Variants in PIEZO1 observed in about 807,000 individuals in gnomAD.
PIEZO1 encodes the protein piezo-type mechanosensitive ion channel component 1.
PIEZO1 carries 296 observed loss-of-function variants against 297.2 expected under a neutral mutation model. That is an observed-to-expected ratio of 1.00 (90% CI 0.91 to 1.10). The LOEUF (loss-of-function observed/expected upper bound fraction) is 1.10. Among genes scored for constraint, PIEZO1 ranks in the 50% least tolerant of loss-of-function variants. The pLI, the probability that PIEZO1 is intolerant of heterozygous loss-of-function variation, is 0.00. For missense variants in PIEZO1, 5,018 were observed against 3,455.5 expected (o/e 1.45, Z -11.34); for synonymous variants, 2,427 against 1,507.5 (o/e 1.61, Z -14.13).
At chr16:88,757,430 G>A (rs1182766051) in intron 1 of PIEZO1, among the ~76,000 whole-genome samples, 3 of 151,932 alleles carry the variant, frequency 2.0e-5, no homozygotes, top group African/African-American at 4.8e-5. Flanking sequence ...GAGCAGGGGC[G>A]GGTGGGAACA....
At chr16:88,761,692 C>T (rs1346257502) in intron 1 of PIEZO1, among the ~76,000 whole-genome samples, 1 of 152,096 alleles carries the variant, frequency 6.6e-6, no homozygotes, top group Non-Finnish European at 1.5e-5. Flanking sequence ...GTGAGACATC[C>T]CCCACATCGG....
intron 1 of PIEZO1, among the ~76,000 whole-genome samples, chr16:88,750,627 G>T (rs532039565): frequency 1.3e-5 from 2 of 152,342 alleles, no homozygotes; most frequent in South Asian, 4.1e-4. Context: ...GATCTGATAA[G>T]GTCTGGAGTC....
At chr16:88,779,766 A>G (rs1331587047) in intron 1 of PIEZO1, among the ~76,000 whole-genome samples, 4 of 152,248 alleles carry the variant, frequency 2.6e-5, no homozygotes, top group Non-Finnish European at 5.9e-5. Flanking sequence ...CTCCGGGACC[A>G]GGCGGTGAGT....
intron 39 of PIEZO1, 31 bp from the exon 40 acceptor site, chr16:88,720,779 C>G (rs531496797): frequency 1.4e-6 from 2 of 1,455,504 alleles, no homozygotes; most frequent in South Asian, 1.5e-5. Context: ...CTGCCTGGGC[C>G]CCCTGGGGAC....
chr16:88,734,710 G>T lies in PIEZO1; in HGVS notation c.1937C>A (p.Thr646Asn), dbSNP rs766228173. 6.5e-6 allele frequency: 10 copies of T among 1,550,378 alleles called. No homozygotes were observed. In the South Asian group the frequency reaches 1.2e-4, roughly 18 times the overall value. Reference protein sequence around the residue: ...YTMLVLIAVYTFQFQDFPAYW... With the variant: ...YTMLVLIAVYNFQFQDFPAYW... ...GGCAGGGAAGTCCTGGAACTGGAAG[G>T]TGTAGACGGCGATGAGGACCAGCAT... The change falls in exon 15 of 51, where the codon ACC becomes AAC. Residue 646 changes from threonine (T) to asparagine (N), a missense_variant. Physicochemically the swap from Thr to Asn is moderately conservative, Grantham distance 65 (BLOSUM62 0). Transcript: ENST00000301015.
chr16:88,737,978 T>C lies in PIEZO1; in HGVS notation c.976A>G (p.Thr326Ala). The C allele has an allele frequency of 1.3e-6, 2 of 1,534,422 alleles. No individual in the cohort carries two copies. The highest frequency in any genetic ancestry group is 1.7e-6 in the Non-Finnish European group (2 of 1,146,078). Reference sequence around the variant, plus strand: ...GCGCGGAGCTTGCGCAGAGAGGCCGTGGCGTAGCACAGCAGCAGGAGGACG... The same window carrying C: ...GCGCGGAGCTTGCGCAGAGAGGCCGCGGCGTAGCACAGCAGCAGGAGGACG... ...PGVLLLLCYA[T>A]ASLRKLRAYR... The change falls in exon 8 of 51, where the codon ACG (threonine) becomes GCG (alanine). Residue 326 changes from threonine (T) to alanine (A), a missense_variant. By Grantham distance (58) the Thr-to-Ala change is moderately conservative. Transcript: ENST00000301015.
intron 30 of PIEZO1, 29 bp from the exon 31 acceptor site, chr16:88,724,000 C>T: frequency 7.3e-7 from 1 of 1,368,106 alleles, no homozygotes; most frequent in Non-Finnish European, 1.0e-6. Flanking sequence ...GAGAGCCAGC[C>T]TTCCATGCAG....
In PIEZO1 at chr16:88,719,874, C is replaced by G; in HGVS notation, c.6251G>C (p.Gly2084Ala). 6.4e-7 allele frequency: 1 copy of G among 1,550,608 alleles called. No individual in the cohort carries two copies. The change falls in exon 43 of 51, where the codon GGC becomes GCC. Residue 2084 changes from glycine to alanine, a missense_variant. Coordinates refer to ENST00000301015, the MANE Select transcript of PIEZO1 (RefSeq NM_001142864.4). ...FALSAYQIRC[G>A]YPTRILGNFL... ...GTTGCCGAGGATGCGGGTGGGGTAG[C>G]CGCAGCGGATCTGGTAGGCGGACAG...
rs1463537207 is a variant in PIEZO1, at chr16:88,715,868, T to C, written c.7317-14A>G. On this transcript the variant is annotated splice_polypyrimidine_tract_variant and intron_variant, in intron 50 of 50. Transcript: ENST00000301015. ...AGCCCCATGATGCTGCGGGGGAAGC[T>C]GGTGAGTCCTGGGGCCGCCCGGAGC... The C allele has an allele frequency of 1.3e-6, 2 of 1,548,670 alleles. No homozygotes were observed. Among genetic ancestry groups the C allele is most frequent in the Non-Finnish European group, 1.7e-6 (2 of 1,145,900 alleles).
chr16:88,745,075 C>A (rs1905959570), intron 2 of PIEZO1: 1 of 149,922 alleles, frequency 6.7e-6, no homozygotes, highest in Non-Finnish European at 1.5e-5. Context: ...CACCCCGTCA[C>A]TCTCCCCCTG....
At chr16:88,781,184 T>C (rs1907918296) in intron 1 of PIEZO1, among the ~76,000 whole-genome samples, 1 of 152,142 alleles carries the variant, frequency 6.6e-6, no homozygotes, top group African/African-American at 2.4e-5. Context: ...CCCTTCATCT[T>C]TGAGCACCGA....
At chr16:88,720,911 T>G (rs1487722655) in intron 39 of PIEZO1, among the ~76,000 whole-genome samples, 163 bp from the exon 40 acceptor site, 1 of 152,160 alleles carries the variant, frequency 6.6e-6, no homozygotes, top group African/African-American at 2.4e-5. Flanking sequence ...TGGGGCTGTG[T>G]CCTCTGTCTG....
At chr16:88,726,192 A>G in intron 27 of PIEZO1, 92 bp downstream of exon 27, 1 of 1,125,102 alleles carries the variant, frequency 8.9e-7, no homozygotes, top group South Asian at 1.6e-5. Context: ...CCTGCCCTCC[A>G]CGGGCCGGGG....
chr16:88,717,815 A>C, intron 44 of PIEZO1: 1 of 445,664 alleles, frequency 2.2e-6, no homozygotes, highest in Non-Finnish European at 4.5e-6. Context: ...GTATCTGCAG[A>C]AAAACAGAAA....
Position 88,716,080 on chromosome 16 carries a change from C to T in PIEZO1, c.7169G>A (p.Arg2390Gln), listed in dbSNP as rs377011269. 4.9e-5 allele frequency: 76 copies of T among 1,549,560 alleles called. No homozygotes were observed. The highest frequency in any genetic ancestry group is 5.7e-5 in the Non-Finnish European group (65 of 1,146,580). Residue 2390 changes from arginine to glutamine, a missense_variant, in exon 50 of 51, where the codon CGG becomes CAG. Transcript: ENST00000301015. ...GGTGGCCCCCGCACCCTGCTCCCTCCGCAGCTGGATACGCACGCCGAGGTA... is the reference window on the plus strand; with the variant it reads ...GGTGGCCCCCGCACCCTGCTCCCTCTGCAGCTGGATACGCACGCCGAGGTA... Reference protein sequence around the residue: ...ADYLGVRIQLRREQGAGATGF... With the variant: ...ADYLGVRIQLQREQGAGATGF...
chr16:88,726,286 G>A lies in PIEZO1; in HGVS notation c.3966C>T (p.Ser1322=). Residue 1322 remains serine, a splice_region_variant and synonymous_variant, in exon 27 of 51, where the codon TCC becomes TCT. Coordinates refer to ENST00000301015, the MANE Select transcript of PIEZO1 (RefSeq NM_001142864.4). The part of the protein sequence containing the change: ...ADLQATALLA[S]RGFALYNAAN... Reference sequence around the variant, plus strand: ...GCTGTGTCTGGGCCCAAGCTTGCCTGGAGGCTAGCAGGGCGGTGGCCTGGA... The same window carrying A: ...GCTGTGTCTGGGCCCAAGCTTGCCTAGAGGCTAGCAGGGCGGTGGCCTGGA... 3.2e-6 allele frequency: 5 copies of A among 1,547,106 alleles called. No homozygotes were observed. Among genetic ancestry groups the A allele is most frequent in the Non-Finnish European group, 4.4e-6 (5 of 1,145,298 alleles).
intron 1 of PIEZO1, among the ~76,000 whole-genome samples, chr16:88,771,258 C>T (rs1880690951): frequency 6.6e-6 from 1 of 152,248 alleles, no homozygotes; most frequent in Admixed American, 6.5e-5. Context: ...ACCAGTTCCA[C>T]TCTTAAGGAC....
At position 88,720,719 on chromosome 16, in the gene PIEZO1, C is replaced by G. The variant is rs529376035; in HGVS notation, c.5698G>C (p.Glu1900Gln). The G allele has an allele frequency of 2.4e-5, 37 of 1,527,172 alleles. No individual in the cohort carries two copies. In the South Asian group the frequency reaches 4.1e-4, roughly 17 times the overall value. 94.6% of individuals were successfully genotyped at this position (1,527,172 alleles called of 1,614,324 possible). ...EAEDREEEEG[E>Q]EEKEAPTGRE... Reference sequence around the variant, plus strand: ...CCCGTGGGGGCCTCTTTCTCTTCCTCCCCCTCTTCTTCCTCCCTGTCCTCA... The same window carrying G: ...CCCGTGGGGGCCTCTTTCTCTTCCTGCCCCTCTTCTTCCTCCCTGTCCTCA... Residue 1900 changes from glutamate to glutamine, a missense_variant, in exon 40 of 51, where the codon GAG (glutamate) becomes CAG (glutamine). Coordinates refer to ENST00000301015, the MANE Select transcript of PIEZO1 (RefSeq NM_001142864.4).
intron 1 of PIEZO1, among the ~76,000 whole-genome samples, chr16:88,772,770 T>A (rs2911461): frequency 0.016 from 1,795 of 115,608 alleles, 23 homozygotes; most frequent in Non-Finnish European, 0.024. Context: ...AGAGTGAGAC[T>A]CTGTCAAAAA....
Sources: allele counts gnomAD v4.1 joint callset (sites outside exome capture counted in the v4.1 genomes callset), GRCh38; gene constraint gnomAD v4.1.1; transcripts MANE v1.5; gene names NCBI Gene and HGNC (gene_info 2026-07-23, HGNC 2026-07-21).